PRKCH: variants seen among roughly 807,000 people sequenced by gnomAD.
PRKCH encodes protein kinase C eta type.
A neutral mutation model predicts 82.5 loss-of-function variants in PRKCH; 28 were observed. The observed-to-expected ratio is 0.34, with a 90% CI of 0.25 to 0.47. The LOEUF is 0.47. Among genes scored for constraint, PRKCH ranks in the 20% least tolerant of loss-of-function variants. PRKCH has a pLI of 1.00. For synonymous variants in PRKCH, 322 were observed against 327.4 expected, an observed-to-expected ratio of 0.98 and a Z score of 0.18; for missense variants, 705 against 881.8, an observed-to-expected ratio of 0.80 and a Z score of 2.54.
At chr14:61,538,677 C>T (rs866495819) in intron 12 of PRKCH, among the ~76,000 whole-genome samples, 2 of 152,124 alleles carry the variant, frequency 1.3e-5, no homozygotes, top group African/African-American at 4.8e-5. Flanking sequence ...ATTTGCTAAC[C>T]GGTGTCTGTG....
intron 9 of PRKCH, among the ~76,000 whole-genome samples, chr14:61,476,963 A>G (rs1885755579): frequency 6.6e-6 from 1 of 152,218 alleles, no homozygotes; most frequent in South Asian, 2.1e-4. Flanking sequence ...TTTCCAGTTC[A>G]GACATGGTGC....
intron 1 of PRKCH, chr14:61,278,103 T>C (rs1286470662): frequency 6.6e-6 from 1 of 152,194 alleles, no homozygotes; most frequent in East Asian, 1.9e-4. Flanking sequence ...TAAAATTTTA[T>C]AGCAATATAC....
At position 61,529,469 on chromosome 14, in the gene PRKCH, G is replaced by A. The variant is rs550400633; in HGVS notation, c.1572+256G>A. Among the ~76,000 whole-genome samples, 553 of 151,818 alleles carry A rather than the reference G, an allele frequency of 3.6e-3. 2 individuals are homozygous for A. Among genetic ancestry groups the A allele is most frequent in the South Asian group, 7.5e-3 (36 of 4,804 alleles). Reference sequence around the variant, plus strand: ...ACACATGCACACGTATGTTTATTGCGGCATTATTCACAATAGCAAAGACTT... The same window carrying A: ...ACACATGCACACGTATGTTTATTGCAGCATTATTCACAATAGCAAAGACTT... On this transcript the variant is annotated intron_variant, in intron 11 of 13. Transcript: ENST00000332981.
intron 12 of PRKCH, chr14:61,537,617 A>C: frequency 6.6e-6 from 1 of 152,180 alleles, no homozygotes; most frequent in East Asian, 1.9e-4. Context: ...TTGCTGAATC[A>C]TCTCCAGCAA....
chr14:61,406,135 A>G (rs1186761814), intron 2 of PRKCH, among the ~76,000 whole-genome samples: 1 of 152,208 alleles, frequency 6.6e-6, no homozygotes, highest in Admixed American at 6.5e-5. Flanking sequence ...GTCCTAAATT[A>G]TACCTAATTT....
rs940732235 is a variant in PRKCH at position 61,488,034 on chromosome 14, T to C, written c.1433+2378T>C. Among the ~76,000 whole-genome samples the C allele has an allele frequency of 5.3e-5, 8 of 151,766 alleles. No homozygotes were observed. The East Asian group carries it at 1.5e-3, about 29-fold the overall frequency. ...CGGGCAAGGTGGCGGGTGCCTGTAG[T>C]CCCAGCTACTCGGGAGGCTGAGGCA... On this transcript the variant is annotated intron_variant, in intron 10 of 13. Coordinates refer to ENST00000332981, the MANE Select transcript of PRKCH (RefSeq NM_006255.5).
intron 13 of PRKCH, 149 bp downstream of exon 13, chr14:61,548,035 T>G (rs2043282025): frequency 6.0e-6 from 6 of 1,000,100 alleles, no homozygotes; most frequent in Non-Finnish European, 8.7e-6. Flanking sequence ...CTGGGGGGAA[T>G]CTGGGCTCCT....
chr14:61,268,815 T>A (rs1457275344), intron 1 of PRKCH, among the ~76,000 whole-genome samples: 2 of 152,196 alleles, frequency 1.3e-5, no homozygotes, highest in Non-Finnish European at 2.9e-5. Flanking sequence ...GAATGCTAAC[T>A]GGGCATACTT....
At chr14:61,295,910 A>G (rs1027999441) in intron 1 of PRKCH, among the ~76,000 whole-genome samples, 4 of 151,356 alleles carry the variant, frequency 2.6e-5, no homozygotes, top group African/African-American at 2.4e-5. Flanking sequence ...CTTTCCCATT[A>G]TGGTGGAAAT....
chr14:61,538,654 T>G (rs894943702), intron 12 of PRKCH, among the ~76,000 whole-genome samples: 4 of 152,356 alleles, frequency 2.6e-5, no homozygotes, highest in South Asian at 2.1e-4. Flanking sequence ...ACGGAAACTT[T>G]TCCTGTGTGG....
intron 1 of PRKCH, among the ~76,000 whole-genome samples, chr14:61,378,289 T>G (rs1460657462): frequency 3.3e-5 from 5 of 151,474 alleles, no homozygotes; most frequent in Non-Finnish European, 5.9e-5. Flanking sequence ...GTGTGATCAC[T>G]GCAGCCTCCA....
intron 12 of PRKCH, among the ~76,000 whole-genome samples, chr14:61,537,079 C>T (rs375519480): frequency 6.6e-6 from 1 of 152,192 alleles, no homozygotes; most frequent in African/African-American, 2.4e-5. Context: ...AACCAGTAAT[C>T]GCACATCTAA....
chr14:61,276,476 C>T (rs1281504844), intron 1 of PRKCH, among the ~76,000 whole-genome samples: 1 of 151,982 alleles, frequency 6.6e-6, no homozygotes, highest in Non-Finnish European at 1.5e-5. Flanking sequence ...CTGCCTCACC[C>T]TCCTGAGTAG....
Position 61,280,121 on chromosome 14 carries a change from G to A in PRKCH, c.-19+92453G>A, listed in dbSNP as rs1044528100. 12 of 1,613,424 alleles carry A rather than the reference G, an allele frequency of 7.4e-6. No homozygotes were observed. In the African/African-American group the frequency reaches 8.0e-5, roughly 11 times the overall value. Reference sequence around the variant, plus strand: ...TCCTCGTCGTCGTCGTCCTGGTCCTGGTAGCGAATGTAGACGACCAGCATG... The same window carrying A: ...TCCTCGTCGTCGTCGTCCTGGTCCTAGTAGCGAATGTAGACGACCAGCATG... On this transcript the variant is annotated intron_variant, in intron 1 of 3. Coordinates refer to the PRKCH transcript ENST00000555185. This position sits in a 1 kb window ranked among gnomAD's most constrained non-coding sequence, Gnocchi z 5.0.
At chr14:61,534,432 G>T (rs751461742) in intron 12 of PRKCH, among the ~76,000 whole-genome samples, 3 of 152,206 alleles carry the variant, frequency 2.0e-5, no homozygotes, top group Non-Finnish European at 4.4e-5. Context: ...ATATTGACTT[G>T]ACGCCTTTTT....
intron 1 of PRKCH, among the ~76,000 whole-genome samples, chr14:61,199,543 G>A (rs1265592965): frequency 6.6e-6 from 1 of 152,126 alleles, no homozygotes; most frequent in Non-Finnish European, 1.5e-5. Flanking sequence ...TTTTGAAAGT[G>A]AATGTTATGG....
chr14:61,188,003 C>T (rs1029943401), intron 1 of PRKCH, among the ~76,000 whole-genome samples: 1 of 152,212 alleles, frequency 6.6e-6, no homozygotes, highest in Non-Finnish European at 1.5e-5. Flanking sequence ...CTGAGTCTGA[C>T]TCTTAGCATC....
chr14:61,211,579 T>C (rs553201019), intron 1 of PRKCH, among the ~76,000 whole-genome samples: 1 of 152,144 alleles, frequency 6.6e-6, no homozygotes, highest in African/African-American at 2.4e-5. Context: ...TCCATTTGGA[T>C]GAAATAACCT....
intron 1 of PRKCH, among the ~76,000 whole-genome samples, chr14:61,344,933 G>A (rs1273780484): frequency 3.3e-5 from 5 of 152,204 alleles, no homozygotes; most frequent in Non-Finnish European, 5.9e-5. Context: ...AGTCTTGAGC[G>A]TGCCCTGCTT....
Sources: allele counts gnomAD v4.1 joint callset (sites outside exome capture counted in the v4.1 genomes callset), GRCh38; gene constraint gnomAD v4.1.1; non-coding constraint Gnocchi (gnomAD v3.1); transcripts MANE v1.5; gene names NCBI Gene and HGNC (gene_info 2026-07-23, HGNC 2026-07-21).